PTPRT: variants seen among roughly 807,000 people sequenced by gnomAD.
PTPRT encodes protein tyrosine phosphatase receptor type T.
A neutral mutation model predicts 176.8 loss-of-function variants in PTPRT; 56 were observed. The ratio of observed to expected loss-of-function variants is 0.32; its 90% CI spans 0.26 to 0.40. PTPRT has a LOEUF of 0.40. PTPRT is among the 10% of genes least tolerant of loss of function. The pLI, the probability that PTPRT is intolerant of heterozygous loss-of-function variation, is 1.00. For synonymous variants in PTPRT, 783 were observed against 739.0 expected, an observed-to-expected ratio of 1.06 and a Z score of -0.96; for missense variants, 1,540 against 1,908.2, an observed-to-expected ratio of 0.81 and a Z score of 3.60.
At chr20:42,124,993 T>C (rs1469742831) in intron 19 of PTPRT, among the ~76,000 whole-genome samples, 1 of 152,112 alleles carries the variant, frequency 6.6e-6, no homozygotes, top group African/African-American at 2.4e-5. Flanking sequence ...GGGGCATATG[T>C]TCTTCTAGGT....
In PTPRT at chr20:43,083,335, T is replaced by TATGTATATACATATATATATATATACAC. The variant is rs2011499272; in HGVS notation, c.88+106310_88+106311insGTGTATATATATATATATGTATATACAT. Among the ~76,000 whole-genome samples the TATGTATATACATATATATATATATACAC allele has an allele frequency of 9.4e-5, 10 of 106,830 alleles. 1 individual carries two copies. The highest frequency in any genetic ancestry group is 1.7e-4 in the Non-Finnish European group (9 of 51,876). The allele number at this position is 106,830 out of a possible 152,430, so 70.1% of individuals were successfully genotyped here. On this transcript the variant is annotated intron_variant, in intron 1 of 30. Transcript: ENST00000373187. ...CACTTCAAATGTATATATATATATA[T>TATGTATATACATATATATATATATACAC]ATATATATATATATATATATATATA...
At chr20:42,061,702 C>G in the PTPRT span, among the ~76,000 whole-genome samples, 1 of 152,194 alleles carries the variant, frequency 6.6e-6, no homozygotes, top group African/African-American at 2.4e-5. Context: ...TTCCTGCCAC[C>G]CAGCTGTCTC....
chr20:42,888,387 G>C (rs1363136105), intron 1 of PTPRT, among the ~76,000 whole-genome samples: 2 of 152,194 alleles, frequency 1.3e-5, no homozygotes, highest in Non-Finnish European at 2.9e-5. Context: ...CCAAGCATTT[G>C]CTCTGTGTTG....
chr20:42,914,980 AC>A (rs1978642042), intron 1 of PTPRT, among the ~76,000 whole-genome samples: 2 of 152,196 alleles, frequency 1.3e-5, no homozygotes, highest in African/African-American at 4.8e-5. Flanking sequence ...AATTTTCTAA[AC>A]CCTTATCCCT....
At chr20:42,034,079 G>A in the PTPRT span, among the ~76,000 whole-genome samples, 1 of 152,152 alleles carries the variant, frequency 6.6e-6, no homozygotes, top group Non-Finnish European at 1.5e-5. Context: ...CACCTTTAAT[G>A]CCTTGCAGTT....
At chr20:42,788,800 C>A (rs192148984) in intron 3 of PTPRT, among the ~76,000 whole-genome samples, 1 of 152,178 alleles carries the variant, frequency 6.6e-6, no homozygotes, top group African/African-American at 2.4e-5. Context: ...TCTGAGAGCC[C>A]AGCCTTGGAG....
At chr20:42,492,209 G>A (rs190083100) in intron 7 of PTPRT, among the ~76,000 whole-genome samples, 13 of 152,232 alleles carry the variant, frequency 8.5e-5, no homozygotes, top group Non-Finnish European at 1.3e-4. Context: ...ATGCCTAAGC[G>A]TATAATTGCT....
At chr20:42,540,427 T>G (rs904711216) in intron 7 of PTPRT, among the ~76,000 whole-genome samples, 5 of 152,014 alleles carry the variant, frequency 3.3e-5, no homozygotes, top group African/African-American at 1.2e-4. Context: ...ATGGAGTTAT[T>G]GGCAATAGGA....
chr20:42,219,433 T>G (rs1321751704), intron 15 of PTPRT, among the ~76,000 whole-genome samples: 1 of 152,180 alleles, frequency 6.6e-6, no homozygotes, highest in East Asian at 1.9e-4. Context: ...TGACTCCCCC[T>G]GCGCCTTTCT....
chr20:43,025,037 C>T lies in PTPRT; in HGVS notation c.89-139105G>A, dbSNP rs182892734. Among the ~76,000 whole-genome samples, 8 of 152,316 alleles carry T rather than the reference C, an allele frequency of 5.3e-5. No homozygotes were observed. In the East Asian group the frequency reaches 1.2e-3, roughly 22 times the overall value. Reference sequence around the variant, plus strand: ...ACACTACCATCTTTCCAACACCTTCCTTGACTGACAGAAACACAGCCATGG... The same window carrying T: ...ACACTACCATCTTTCCAACACCTTCTTTGACTGACAGAAACACAGCCATGG... On this transcript the variant is annotated intron_variant, in intron 1 of 30. Coordinates refer to ENST00000373187, the MANE Select transcript of PTPRT (RefSeq NM_007050.6).
intron 8 of PTPRT, among the ~76,000 whole-genome samples, chr20:42,469,925 G>T (rs897771284): frequency 6.6e-6 from 1 of 151,976 alleles, no homozygotes; most frequent in Admixed American, 6.6e-5. Context: ...TGTGAATCTG[G>T]GTTCTACTCA....
At chr20:42,302,667 G>A (rs185488212) in intron 12 of PTPRT, among the ~76,000 whole-genome samples, 47 of 152,234 alleles carry the variant, frequency 3.1e-4, no homozygotes, top group Admixed American at 1.7e-3. Context: ...TTGTGGGTTC[G>A]CTGAGGGCAG....
intron 7 of PTPRT, among the ~76,000 whole-genome samples, chr20:42,638,388 G>A (rs1001974252): frequency 2.0e-5 from 3 of 152,092 alleles, no homozygotes; most frequent in African/African-American, 7.2e-5. Context: ...ATGGGGATGT[G>A]TGCTTTTGAA....
Position 42,820,145 on chromosome 20 carries a change from C to T in PTPRT, c.215-28679G>A, listed in dbSNP as rs950458068. 4.9e-5 allele frequency among the ~76,000 whole-genome samples: 7 copies of T among 143,746 alleles called. No individual in the cohort carries two copies. In the South Asian group the frequency reaches 1.5e-3, roughly 31 times the overall value. 94.3% of individuals were successfully genotyped at this position (143,746 alleles called of 152,430 possible). ...TTCTCAGTGCCACATGGCACTTATG[C>T]TAAATCAACCAAATAATTGGAAGTA... On this transcript the variant is annotated intron_variant, in intron 2 of 30. Transcript: ENST00000373187.
chr20:42,124,219 T>C (rs943110160), intron 19 of PTPRT, among the ~76,000 whole-genome samples: 1 of 152,198 alleles, frequency 6.6e-6, no homozygotes, highest in African/African-American at 2.4e-5. Flanking sequence ...GAAAACTTCC[T>C]AACCTTAAAA....
intron 2 of PTPRT, among the ~76,000 whole-genome samples, chr20:42,798,404 A>G (rs1318143423): frequency 2.0e-5 from 3 of 152,238 alleles, no homozygotes; most frequent in African/African-American, 7.2e-5. Flanking sequence ...GTGCAAGAGA[A>G]GCAGATAGTG....
chr20:43,095,015 G>A (rs533756993), intron 1 of PTPRT, among the ~76,000 whole-genome samples: 17 of 152,262 alleles, frequency 1.1e-4, no homozygotes, highest in African/African-American at 4.1e-4. Flanking sequence ...GGAAACAGAG[G>A]TGTGCAAAGG....
intron 1 of PTPRT, among the ~76,000 whole-genome samples, chr20:42,907,874 G>T (rs2079498314): frequency 6.6e-6 from 1 of 151,040 alleles, no homozygotes; most frequent in Non-Finnish European, 1.5e-5. Flanking sequence ...TTTTCCAGGT[G>T]CCCCAAAACA....
chr20:42,861,566 TAAAAC>T (rs1465115329), intron 2 of PTPRT, among the ~76,000 whole-genome samples: 4 of 151,662 alleles, frequency 2.6e-5, no homozygotes, highest in Non-Finnish European at 4.4e-5. Context: ...AAAAACTAAA[TAAAAC>T]AAAACAGATA....
Sources: gnomAD v4.1 joint callset for allele counts (sites outside exome capture counted in the v4.1 genomes callset) on GRCh38, gnomAD v4.1.1 for gene constraint, MANE v1.5 for transcripts, NCBI Gene and HGNC (gene_info 2026-07-23, HGNC 2026-07-21) for gene names.